Variants in BTN3A2 observed in about 807,000 individuals in gnomAD.
BTN3A2 encodes butyrophilin protein.
BTN3A2 carries 25 observed loss-of-function variants against 37.6 expected under a neutral mutation model. The observed-to-expected ratio is 0.66, with a 90% CI of 0.48 to 0.93. The LOEUF is 0.93. Among genes scored for constraint, BTN3A2 ranks in the 40% least tolerant of loss-of-function variants. The pLI is 0.00. For missense variants in BTN3A2, 266 were observed against 410.9 expected, an observed-to-expected ratio of 0.65 and a Z score of 3.05; for synonymous variants, 122 against 159.4, an observed-to-expected ratio of 0.77 and a Z score of 1.77.
intron 5 of BTN3A2, 27 bp downstream of exon 5, chr6:26,370,630 T>C (rs989221219): frequency 6.8e-6 from 11 of 1,612,758 alleles, no homozygotes; most frequent in Non-Finnish European, 9.3e-6. Flanking sequence ...CCTCAGGTTT[T>C]CTGAGCTGAG....
At chr6:26,371,451 A>G (rs12173854) in intron 5 of BTN3A2, among the ~76,000 whole-genome samples, 11,690 of 152,246 alleles carry the variant, frequency 0.077, 562 homozygotes, top group Non-Finnish European at 0.11. Context: ...CTTATAATAC[A>G]TGATTCTCAT....
chr6:26,370,790 T>A (rs1265324434), intron 5 of BTN3A2, among the ~76,000 whole-genome samples, 187 bp downstream of exon 5: 1 of 152,160 alleles, frequency 6.6e-6, no homozygotes, highest in African/African-American at 2.4e-5. Flanking sequence ...AACACAAACA[T>A]TTTCTGAACA....
In BTN3A2 at chr6:26,376,608, A is replaced by T; in HGVS notation, c.*846A>T. The T allele has an allele frequency of 2.1e-6, 3 of 1,449,584 alleles. No homozygotes were observed. The South Asian group carries it at 3.6e-5, about 18-fold the overall frequency. The allele number at this position is 1,449,584 out of a possible 1,614,324, so 89.8% of individuals were successfully genotyped here. ...TCTGTATCCAGACATGGCAAATGCC[A>T]TCCTCCTTGTTTCTGAGGACCAGAG... On this transcript the variant is annotated 3_prime_UTR_variant, in exon 11 of 11. Transcript: ENST00000377708.
At chr6:26,373,237 C>CT (rs750198408) in intron 6 of BTN3A2, 39 bp from the exon 7 acceptor site, 39,761 of 1,330,806 alleles carry the variant, frequency 0.03, 15 homozygotes, top group African/African-American at 0.055. Flanking sequence ...AACAGTTCAT[C>CT]TTTTTTTTTT....
chr6:26,377,170 T>C lies in BTN3A2; in HGVS notation c.*1408T>C. On this transcript the variant is annotated 3_prime_UTR_variant, in exon 11 of 11. Coordinates refer to ENST00000377708, the MANE Select transcript of BTN3A2 (RefSeq NM_007047.5). ...CTGGAGATACCACTGACCCCAGGCT[T>C]AGCTAATGAAAGTGGGGAGCCTCAG... is the stretch of plus-strand genomic sequence containing the variant. The C allele has an allele frequency of 7.9e-7, 1 of 1,264,182 alleles. No individual in the cohort carries two copies. 78.3% of individuals were successfully genotyped at this position (1,264,182 alleles called of 1,614,324 possible).
chr6:26,372,726 A>C, intron 5 of BTN3A2, 171 bp from the exon 6 acceptor site: 1 of 728,054 alleles, frequency 1.4e-6, no homozygotes, highest in South Asian at 1.9e-5. Flanking sequence ...GTGAGGGTTT[A>C]CCAAAGTCTT....
At chr6:26,373,544 A>C (rs1288665728) in intron 8 of BTN3A2, 131 bp downstream of exon 8, 2 of 951,454 alleles carry the variant, frequency 2.1e-6, no homozygotes, top group African/African-American at 1.7e-5. Flanking sequence ...AAAAGAAAAC[A>C]AGTGTGGCTC....
rs764222165 is a variant in BTN3A2, at chr6:26,375,981, C to T, written c.*219C>T. On this transcript the variant is annotated 3_prime_UTR_variant, in exon 11 of 11. Coordinates refer to ENST00000377708, the MANE Select transcript of BTN3A2 (RefSeq NM_007047.5). ...TAGCACTTTGGAAGGCTGAGGAGGG[C>T]GGATCACAAGGTCAGGAGATCAAGA... is the stretch of plus-strand genomic sequence containing the variant. 2.9e-5 allele frequency: 27 copies of T among 947,274 alleles called. No homozygotes were observed. The highest frequency in any genetic ancestry group is 3.6e-5 in the Non-Finnish European group (23 of 640,068). The allele number at this position is 947,274 out of a possible 1,614,324, so 58.7% of individuals were successfully genotyped here. A position where few individuals can be genotyped will look rare whatever the true frequency, so the allele number is the denominator to read the frequency against.
At chr6:26,375,171 G>A (rs1368055137) in intron 10 of BTN3A2, 1 of 241,130 alleles carries the variant, frequency 4.1e-6, no homozygotes, top group Non-Finnish European at 7.9e-6. Context: ...AAGACTGAAG[G>A]AATAATGAAC....
chr6:26,376,232 A>AAAAAAAG lies in BTN3A2; in HGVS notation c.*474_*475insAAGAAAA, dbSNP rs1554126684. The AAAAAAAG allele has an allele frequency of 0.075, 10,062 of 134,764 alleles. 594 individuals carry two copies. The highest frequency in any genetic ancestry group is 0.1 in the African/African-American group (3,166 of 31,632). The allele number at this position is 134,764 out of a possible 1,614,324, so 8.3% of individuals were successfully genotyped here. A position where few individuals can be genotyped will look rare whatever the true frequency, so the allele number is the denominator to read the frequency against. ...TGTCTCAAGAAAAAAAAAAAAAAAAAAAAAGAAAAGAAAATTAACCTCTGA... is the reference window on the plus strand; with the variant it reads ...TGTCTCAAGAAAAAAAAAAAAAAAAAAAAAAAGAAAAGAAAAGAAAATTAACCTCTGA... On this transcript the variant is annotated 3_prime_UTR_variant, in exon 11 of 11. Coordinates refer to ENST00000377708, the MANE Select transcript of BTN3A2 (RefSeq NM_007047.5).
Position 26,365,337 on chromosome 6 carries a change from A to C in BTN3A2, c.-82A>C. ...TTATTCTGTGGGCTCTGATTCTCCA[A>C]TGGGAATACCAAGGGGTAAGTGCAG... On this transcript the variant is annotated 5_prime_UTR_variant, in exon 1 of 11. The change abolishes an upstream ATG in the 5' untranslated region. Coordinates refer to ENST00000377708, the MANE Select transcript of BTN3A2 (RefSeq NM_007047.5). 6.5e-7 allele frequency: 1 copy of C among 1,536,044 alleles called. No individual in the cohort carries two copies. The highest frequency in any genetic ancestry group is 8.7e-7 in the Non-Finnish European group (1 of 1,146,802).
At chr6:26,374,175 G>T in intron 8 of BTN3A2, 152 bp from the exon 9 acceptor site, 1 of 519,974 alleles carries the variant, frequency 1.9e-6, no homozygotes, top group Non-Finnish European at 3.2e-6. Context: ...ACCTGAAGAT[G>T]GAGACCATGG....
chr6:26,376,642 A>G lies in BTN3A2; in HGVS notation c.*880A>G. On this transcript the variant is annotated 3_prime_UTR_variant, in exon 11 of 11. Transcript: ENST00000377708. ...GTTTCTGAGGACCAGAGGAGTGTAC[A>G]GCGTGCTGAGGAGCCCCATGACCTA... is the stretch of plus-strand genomic sequence containing the variant. The G allele has an allele frequency of 6.8e-7, 1 of 1,476,560 alleles. No individual in the cohort carries two copies. The highest frequency in any genetic ancestry group is 9.4e-7 in the Non-Finnish European group (1 of 1,058,368). The allele number at this position is 1,476,560 out of a possible 1,614,324, so 91.5% of individuals were successfully genotyped here.
At chr6:26,369,304 T>C (rs1393471144) in intron 4 of BTN3A2, among the ~76,000 whole-genome samples, 1 of 152,214 alleles carries the variant, frequency 6.6e-6, no homozygotes, top group East Asian at 1.9e-4. Context: ...ATAGTGACTG[T>C]ATCTGCTGCC....
In BTN3A2 at chr6:26,376,232, A is replaced by AAG. The variant is rs1554126686; in HGVS notation, c.*471_*472insGA. 5.1e-4 allele frequency: 70 copies of AAG among 136,582 alleles called. No homozygotes were observed. The highest frequency in any genetic ancestry group is 8.3e-4 in the Admixed American group (11 of 13,248). 8.5% of individuals were successfully genotyped at this position (136,582 alleles called of 1,614,324 possible). On this transcript the variant is annotated 3_prime_UTR_variant, in exon 11 of 11. Coordinates refer to ENST00000377708, the MANE Select transcript of BTN3A2 (RefSeq NM_007047.5). ...TGTCTCAAGAAAAAAAAAAAAAAAA[A>AAG]AAAAGAAAAGAAAATTAACCTCTGA...
intron 10 of BTN3A2, chr6:26,375,577 A>T (rs1160826734): frequency 6.9e-7 from 1 of 1,456,206 alleles, no homozygotes; most frequent in African/African-American, 1.4e-5. Flanking sequence ...GGCACTGTCC[A>T]TAGAGGACAG....
intron 1 of BTN3A2, 51 bp downstream of exon 1, chr6:26,365,403 G>T (rs995732166): frequency 6.5e-7 from 1 of 1,533,760 alleles, no homozygotes. Context: ...TGGGAGGAGC[G>T]GGGCTGAATC....
intron 3 of BTN3A2, 128 bp from the exon 4 acceptor site, chr6:26,368,437 G>T (rs749763494): frequency 1.0e-4 from 159 of 1,527,050 alleles, no homozygotes; most frequent in Non-Finnish European, 1.4e-4. Flanking sequence ...GAGACAAATG[G>T]TCCTTCTGTT....
At chr6:26,369,877 G>T (rs932777864) in intron 4 of BTN3A2, among the ~76,000 whole-genome samples, 2 of 152,116 alleles carry the variant, frequency 1.3e-5, no homozygotes, top group East Asian at 3.9e-4. Context: ...GCAATCCCTT[G>T]CCCTGTGGCT....
Sources: gnomAD v4.1 joint callset for allele counts (sites outside exome capture counted in the v4.1 genomes callset) on GRCh38, gnomAD v4.1.1 for gene constraint, MANE v1.5 for transcripts, NCBI Gene and HGNC (gene_info 2026-07-23, HGNC 2026-07-21) for gene names.